CTNNA3: variants seen among roughly 807,000 people sequenced by gnomAD.
CTNNA3 encodes the protein catenin alpha-3.
In CTNNA3, 76 loss-of-function variants were observed where a neutral mutation model predicts 95.7. The ratio of observed to expected loss-of-function variants is 0.79; its 90% CI spans 0.66 to 0.96. The LOEUF is 0.96. CTNNA3 is among the 40% of genes least tolerant of loss of function. The pLI is 0.00. For missense variants in CTNNA3, 1,191 were observed against 1,089.8 expected, an observed-to-expected ratio of 1.09 and a Z score of -1.31; for synonymous variants, 431 against 374.4, an observed-to-expected ratio of 1.15 and a Z score of -1.74.
chr10:66,570,119 CA>C (rs1842824979), intron 10 of CTNNA3, among the ~76,000 whole-genome samples: 1 of 152,002 alleles, frequency 6.6e-6, no homozygotes, highest in Non-Finnish European at 1.5e-5. Flanking sequence ...GATATGTTAC[CA>C]AAACAGTCCA....
chr10:66,090,506 T>C (rs1043507858), intron 14 of CTNNA3, among the ~76,000 whole-genome samples: 2 of 152,144 alleles, frequency 1.3e-5, no homozygotes, highest in Admixed American at 6.6e-5. Context: ...ATGATGTATG[T>C]CCATTTTAAA....
chr10:66,727,372 A>T (rs767632687), intron 9 of CTNNA3, among the ~76,000 whole-genome samples: 13 of 152,214 alleles, frequency 8.5e-5, no homozygotes, highest in Non-Finnish European at 1.6e-4. Context: ...TCCCTATTAA[A>T]GTATATAGTT....
intron 13 of CTNNA3, among the ~76,000 whole-genome samples, chr10:66,172,651 G>T (rs1348065333): frequency 1.3e-5 from 2 of 151,970 alleles, no homozygotes; most frequent in Admixed American, 6.6e-5. Flanking sequence ...CTTTAGGAAA[G>T]AAATACCTGT....
At chr10:66,883,970 ACTGGGCAT>A (rs1844940121) in intron 7 of CTNNA3, among the ~76,000 whole-genome samples, 1 of 152,052 alleles carries the variant, frequency 6.6e-6, no homozygotes, top group African/African-American at 2.4e-5. Context: ...AAAGTTCAAG[ACTGGGCAT>A]CTGCATCTGG....
intron 7 of CTNNA3, among the ~76,000 whole-genome samples, chr10:67,043,585 T>C (rs1854543970): frequency 6.6e-6 from 1 of 152,200 alleles, no homozygotes; most frequent in Non-Finnish European, 1.5e-5. Context: ...CCTCAGTCAT[T>C]GATGTGCTGA....
intron 6 of CTNNA3, among the ~76,000 whole-genome samples, chr10:67,191,548 G>C (rs140348883): frequency 2.2e-4 from 33 of 151,810 alleles, no homozygotes; most frequent in South Asian, 1.0e-3. Flanking sequence ...CCACAGATTT[G>C]AAAGATCTGT....
At chr10:66,775,746 C>T (rs902746390) in intron 7 of CTNNA3, among the ~76,000 whole-genome samples, 5 of 152,098 alleles carry the variant, frequency 3.3e-5, no homozygotes, top group African/African-American at 9.7e-5. Flanking sequence ...ATTTCCGATA[C>T]GGAGTTAGGT....
At chr10:66,153,941 G>T (rs753341874) in intron 13 of CTNNA3, among the ~76,000 whole-genome samples, 1 of 151,370 alleles carries the variant, frequency 6.6e-6, no homozygotes. Context: ...ATCTGTTGGC[G>T]GGCTGGACCA....
intron 11 of CTNNA3, among the ~76,000 whole-genome samples, chr10:66,505,239 A>T (rs1484337790): frequency 1.3e-5 from 2 of 152,160 alleles, no homozygotes; most frequent in Non-Finnish European, 2.9e-5. Flanking sequence ...TCCAGTTGAC[A>T]TGCCCAAACT....
At chr10:66,907,284 G>A (rs1846028877) in intron 7 of CTNNA3, among the ~76,000 whole-genome samples, 1 of 151,834 alleles carries the variant, frequency 6.6e-6, no homozygotes, top group Non-Finnish European at 1.5e-5. Context: ...TTGTGTTTTA[G>A]TAACAATAAG....
chr10:67,735,887 C>G (rs189181988), intron 1 of CTNNA3, among the ~76,000 whole-genome samples: 6 of 152,074 alleles, frequency 3.9e-5, no homozygotes, highest in Non-Finnish European at 7.4e-5. Flanking sequence ...TCATAATAGA[C>G]AAAAGGTAGA....
intron 7 of CTNNA3, among the ~76,000 whole-genome samples, chr10:66,981,054 C>T (rs1311195303): frequency 1.3e-5 from 2 of 152,040 alleles, no homozygotes; most frequent in African/African-American, 4.8e-5. Flanking sequence ...TACAGGCATG[C>T]TCCACCATGC....
intron 13 of CTNNA3, among the ~76,000 whole-genome samples, chr10:66,133,250 A>G (rs746407941): frequency 1.6e-4 from 24 of 152,160 alleles, no homozygotes; most frequent in Non-Finnish European, 3.2e-4. Context: ...TGCAGTGGCT[A>G]ATGCCTGTAA....
intron 11 of CTNNA3, among the ~76,000 whole-genome samples, chr10:66,389,371 A>G (rs1262367086): frequency 6.6e-6 from 1 of 152,158 alleles, no homozygotes; most frequent in African/African-American, 2.4e-5. Flanking sequence ...ACAGCTTCAG[A>G]GTATCAGCTT....
intron 13 of CTNNA3, among the ~76,000 whole-genome samples, chr10:66,247,848 G>A (rs553884560): frequency 6.6e-6 from 1 of 152,234 alleles, no homozygotes; most frequent in South Asian, 2.1e-4. Flanking sequence ...ATTCTACAGG[G>A]AGTTCTTCAA....
chr10:66,766,111 C>T (rs1392813776), intron 9 of CTNNA3, 153 bp downstream of exon 9: 7 of 633,770 alleles, frequency 1.1e-5, no homozygotes, highest in Non-Finnish European at 1.6e-5. Context: ...TCTATACAAT[C>T]GGACATATAC....
chr10:67,118,708 T>G (rs1406134898), intron 7 of CTNNA3, among the ~76,000 whole-genome samples: 1 of 151,894 alleles, frequency 6.6e-6, no homozygotes, highest in African/African-American at 2.4e-5. Flanking sequence ...AAAAATGATA[T>G]TAATAAAAAT....
intron 1 of CTNNA3, among the ~76,000 whole-genome samples, chr10:67,732,029 C>G (rs1841277783): frequency 6.6e-6 from 1 of 150,758 alleles, no homozygotes. Flanking sequence ...ATCCACCCAC[C>G]TCGGCCTCCC....
chr10:66,279,567 A>C (rs1163515258), intron 13 of CTNNA3, among the ~76,000 whole-genome samples: 4 of 151,948 alleles, frequency 2.6e-5, no homozygotes, highest in Non-Finnish European at 5.9e-5. Flanking sequence ...GTCAGGTAAG[A>C]TAATTCTGAA....
Sources: gnomAD v4.1 joint callset for allele counts (sites outside exome capture counted in the v4.1 genomes callset) on GRCh38, gnomAD v4.1.1 for gene constraint, MANE v1.5 for transcripts, NCBI Gene and HGNC (gene_info 2026-07-23, HGNC 2026-07-21) for gene names.